The following EYS variants were observed in gnomAD, a reference collection of about 807,000 sequenced individuals.
EYS encodes the protein protein eyes shut homolog.
Under a neutral mutation model 282.1 loss-of-function variants are expected in EYS, and 250 were observed. That is an observed-to-expected ratio of 0.89 (90% CI 0.80 to 0.98). EYS has a LOEUF of 0.98. Ranked by LOEUF, EYS falls within the 50% of genes least tolerant of loss-of-function variation. The probability of loss-of-function intolerance (pLI) is 0.00; values close to 1 mark genes in which losing one functional copy is unlikely to be tolerated. For missense variants in EYS, 4,016 were observed against 3,709.0 expected (o/e 1.08, Z -2.15); for synonymous variants, 1,355 against 1,282.9 (o/e 1.06, Z -1.20).
chr6:65,555,878 A>G (rs1012304204), intron 2 of EYS, among the ~76,000 whole-genome samples: 2 of 152,244 alleles, frequency 1.3e-5, no homozygotes, highest in Admixed American at 6.5e-5. Flanking sequence ...AAATATCTCA[A>G]TAAGGCAATT....
At chr6:64,924,903 T>C (rs1768465441) in intron 15 of EYS, among the ~76,000 whole-genome samples, 1 of 152,174 alleles carries the variant, frequency 6.6e-6, no homozygotes, top group South Asian at 2.1e-4. Context: ...TCCCACATTT[T>C]CCTGTCTTCT....
Position 64,858,305 on chromosome 6 carries a change from C to T in EYS, c.2992+28392G>A, listed in dbSNP as rs138553868. Among the ~76,000 whole-genome samples, 261 of 152,120 alleles carry T rather than the reference C, an allele frequency of 1.7e-3. 1 individual carries two copies. The highest frequency in any genetic ancestry group is 6.0e-3 in the African/African-American group (249 of 41,538). ...TATGAGACAGGGATCCAATATCATT[C>T]GTGTGTCTGGATAGCCAGTTTTTCC... On this transcript the variant is annotated intron_variant, in intron 19 of 42. Transcript: ENST00000503581.
Position 64,133,476 on chromosome 6 carries a change from TCACACACA to T in EYS, c.6425-51482_6425-51475del, listed in dbSNP as rs61088369. On this transcript the variant is annotated intron_variant, in intron 31 of 42. Transcript: ENST00000503581. ...GAACTTGGCTTTCTTTTGCATTACTTCACACACACACACACACACACACACACACACAC... is the reference window on the plus strand; with the variant it reads ...GAACTTGGCTTTCTTTTGCATTACTTCACACACACACACACACACACACAC... Among the ~76,000 whole-genome samples the T allele has an allele frequency of 7.8e-3, 1,109 of 142,444 alleles. 10 individuals carry two copies. Among genetic ancestry groups the T allele is most frequent in the East Asian group, 0.033 (162 of 4,888 alleles). The allele number at this position is 142,444 out of a possible 152,430, so 93.4% of individuals were successfully genotyped here.
chr6:65,557,252 C>A (rs1445518748), intron 2 of EYS, among the ~76,000 whole-genome samples: 1 of 152,182 alleles, frequency 6.6e-6, no homozygotes, highest in Non-Finnish European at 1.5e-5. Context: ...TCTCACGCTG[C>A]CAGCCCAGAT....
chr6:64,416,702 T>C (rs984356170), intron 28 of EYS, among the ~76,000 whole-genome samples: 1 of 152,194 alleles, frequency 6.6e-6, no homozygotes, highest in African/African-American at 2.4e-5. Flanking sequence ...TATTTTGAAC[T>C]TTTTTGAGAC....
At chr6:64,278,786 T>C (rs1224332600) in intron 30 of EYS, among the ~76,000 whole-genome samples, 1 of 151,942 alleles carries the variant, frequency 6.6e-6, no homozygotes, top group Non-Finnish European at 1.5e-5. Context: ...CTTTCTGAGA[T>C]AGGGTCTCGC....
intron 28 of EYS, among the ~76,000 whole-genome samples, chr6:64,422,854 T>G (rs964536726): frequency 1.3e-5 from 2 of 152,016 alleles, no homozygotes; most frequent in African/African-American, 4.8e-5. Flanking sequence ...TGTAGATTTT[T>G]CCTTCAGAAT....
At chr6:64,289,510 C>A (rs1348619518) in intron 30 of EYS, among the ~76,000 whole-genome samples, 1 of 152,012 alleles carries the variant, frequency 6.6e-6, no homozygotes, top group Non-Finnish European at 1.5e-5. Flanking sequence ...AATACTTGAA[C>A]GGTATTTCAG....
intron 19 of EYS, among the ~76,000 whole-genome samples, chr6:64,828,306 A>C (rs1161660651): frequency 6.6e-6 from 1 of 151,938 alleles, no homozygotes; most frequent in Non-Finnish European, 1.5e-5. Flanking sequence ...GAATCCCTAA[A>C]GTAAAAGGGA....
At chr6:65,448,097 G>A (rs1768744304) in intron 5 of EYS, among the ~76,000 whole-genome samples, 1 of 151,952 alleles carries the variant, frequency 6.6e-6, no homozygotes, top group Non-Finnish European at 1.5e-5. Flanking sequence ...AATTATTTGA[G>A]GGAAGTTAAA....
intron 29 of EYS, among the ~76,000 whole-genome samples, chr6:64,311,785 C>T (rs987766808): frequency 2.6e-5 from 4 of 152,134 alleles, no homozygotes; most frequent in African/African-American, 9.7e-5. Context: ...GATTTCCCTC[C>T]CCTAGCCAAG....
At chr6:65,394,143 C>G (rs1390536381) in intron 7 of EYS, among the ~76,000 whole-genome samples, 1 of 151,968 alleles carries the variant, frequency 6.6e-6, no homozygotes, top group African/African-American at 2.4e-5. Context: ...TCATTTTACT[C>G]TAAATAGTAA....
intron 41 of EYS, among the ~76,000 whole-genome samples, chr6:63,732,014 G>A (rs774665975): frequency 6.6e-6 from 1 of 152,088 alleles, no homozygotes; most frequent in African/African-American, 2.4e-5. Context: ...ACAGCATGAT[G>A]AGAGGGTTCC....
chr6:64,881,730 A>T (rs77186240), intron 19 of EYS, among the ~76,000 whole-genome samples: 1 of 151,832 alleles, frequency 6.6e-6, no homozygotes, highest in Non-Finnish European at 1.5e-5. Context: ...TTATAACTCA[A>T]TAAAATAAGA....
Position 65,214,289 on chromosome 6 carries a change from C to T in EYS, c.2023+81574G>A, listed in dbSNP as rs190561434. Among the ~76,000 whole-genome samples the T allele has an allele frequency of 6.4e-4, 94 of 146,298 alleles. 1 individual carries two copies. Among genetic ancestry groups the T allele is most frequent in the African/African-American group, 2.3e-3 (90 of 39,982 alleles). On this transcript the variant is annotated intron_variant, in intron 12 of 42. Transcript: ENST00000503581. ...TTGGTGAAAGAAATTAAAAGTGTTA[C>T]TTCAGTGATACAAGGAATGATAAGA...
chr6:65,457,328 C>A (rs548236139), intron 5 of EYS, among the ~76,000 whole-genome samples: 10 of 152,170 alleles, frequency 6.6e-5, no homozygotes, highest in African/African-American at 2.2e-4. Flanking sequence ...CCATGCTCAG[C>A]TAATTCTTTT....
chr6:65,677,737 C>G (rs549654260), intron 1 of EYS, among the ~76,000 whole-genome samples: 1 of 152,002 alleles, frequency 6.6e-6, no homozygotes, highest in African/African-American at 2.4e-5. Flanking sequence ...CAAAGGACCC[C>G]CAATAGCCAG....
chr6:64,141,996 T>C (rs1562222007), intron 31 of EYS, among the ~76,000 whole-genome samples: 1 of 152,096 alleles, frequency 6.6e-6, no homozygotes, highest in Non-Finnish European at 1.5e-5. Flanking sequence ...ATCAGATATA[T>C]TCAGATTTGA....
intron 1 of EYS, among the ~76,000 whole-genome samples, chr6:65,652,718 G>A (rs896083091): frequency 9.9e-5 from 15 of 151,880 alleles, no homozygotes; most frequent in Non-Finnish European, 2.1e-4. Flanking sequence ...CTAAAATACA[G>A]TAAAATTTTG....
Sources: gnomAD v4.1 joint callset for allele counts (sites outside exome capture counted in the v4.1 genomes callset) on GRCh38, gnomAD v4.1.1 for gene constraint, MANE v1.5 for transcripts, NCBI Gene and HGNC (gene_info 2026-07-23, HGNC 2026-07-21) for gene names.